TMEM131: variants seen among roughly 807,000 people sequenced by gnomAD.
TMEM131 encodes 2610524E03Rik.
TMEM131 carries 66 observed loss-of-function variants against 211.6 expected under a neutral mutation model. The observed-to-expected ratio is 0.31, with a 90% confidence interval of 0.26 to 0.38. TMEM131 has a LOEUF of 0.38. TMEM131 is among the 10% of genes least tolerant of loss of function. The pLI is 1.00. For synonymous variants in TMEM131, 844 were observed against 841.3 expected (o/e 1.00, Z -0.06); for missense variants, 2,036 against 2,299.3 (o/e 0.89, Z 2.34).
intron 12 of TMEM131, among the ~76,000 whole-genome samples, chr2:97,817,000 CATG>C (rs1025015544): frequency 3.3e-5 from 5 of 152,166 alleles, no homozygotes; most frequent in African/African-American, 9.7e-5. Context: ...GGGATTTTCA[CATG>C]ATATTAAAAA....
At chr2:97,885,440 C>CGCCTTG (rs1553609819) in intron 4 of TMEM131, among the ~76,000 whole-genome samples, 3 of 150,774 alleles carry the variant, frequency 2.0e-5, no homozygotes, top group African/African-American at 7.3e-5. Flanking sequence ...GTGATCCGCC[C>CGCCTTG]GCCTCCCAAA....
At chr2:97,823,771 C>T (rs2084176) in intron 11 of TMEM131, among the ~76,000 whole-genome samples, 46,910 of 152,044 alleles carry the variant, frequency 0.31, 8,566 homozygotes, top group Non-Finnish European at 0.39. Flanking sequence ...CTTCTGCCTT[C>T]CTCGAGCAGC....
chr2:97,951,070 G>A (rs904728846), intron 1 of TMEM131, among the ~76,000 whole-genome samples: 1 of 152,056 alleles, frequency 6.6e-6, no homozygotes, highest in African/African-American at 2.4e-5. Flanking sequence ...CAGAAGCAGA[G>A]AGCAGAATAA....
intron 3 of TMEM131, among the ~76,000 whole-genome samples, chr2:97,893,259 T>G (rs961025443): frequency 6.6e-6 from 1 of 152,254 alleles, no homozygotes; most frequent in Non-Finnish European, 1.5e-5. Flanking sequence ...CCATGGTGTA[T>G]ATGTGCCACA....
rs3833701 is a variant in TMEM131, at chr2:97,991,420, T to TA, written c.187+4055dup. Among the ~76,000 whole-genome samples the TA allele has an allele frequency of 3.2e-3, 492 of 152,226 alleles. 7 individuals are homozygous for TA. The East Asian group carries it at 0.041, about 13-fold the overall frequency. On this transcript the variant is annotated intron_variant, in intron 1 of 40. Transcript: ENST00000186436. The stretch of plus-strand genomic sequence containing the variant: ...GTGGGAGAGTGATCAAAAGAGGATG[T>TA]AACAGGCACTGATGCCACTTGGTGA...
chr2:97,871,291 C>A (rs924312156), intron 4 of TMEM131, among the ~76,000 whole-genome samples: 1 of 152,212 alleles, frequency 6.6e-6, no homozygotes, highest in East Asian at 1.9e-4. Context: ...GACCTCCAAG[C>A]TGTCCTTTGT....
chr2:97,832,738 C>T (rs752179777), intron 11 of TMEM131, among the ~76,000 whole-genome samples: 4 of 152,178 alleles, frequency 2.6e-5, no homozygotes, highest in Non-Finnish European at 2.9e-5. Context: ...CAGGGAGAGA[C>T]GTTGTGGGCC....
intron 22 of TMEM131, 99 bp from the exon 23 acceptor site, chr2:97,802,889 G>C: frequency 1.9e-6 from 2 of 1,032,030 alleles, no homozygotes; most frequent in Non-Finnish European, 1.4e-6. Context: ...GAAATTTTTT[G>C]CTGGCCCTGA....
At chr2:97,791,410 T>C (rs2104880133) in intron 31 of TMEM131, among the ~76,000 whole-genome samples, 1 of 152,360 alleles carries the variant, frequency 6.6e-6, no homozygotes, top group African/African-American at 2.4e-5. Flanking sequence ...CTCCTTGCCC[T>C]CTTGTTTGCT....
At chr2:97,770,992 G>T (rs1679438581) in intron 33 of TMEM131, among the ~76,000 whole-genome samples, 1 of 152,168 alleles carries the variant, frequency 6.6e-6, no homozygotes, top group African/African-American at 2.4e-5. Context: ...TGTTATTCCT[G>T]TCCTGGGTGC....
intron 1 of TMEM131, among the ~76,000 whole-genome samples, chr2:97,956,093 T>C (rs904013613): frequency 2.6e-5 from 4 of 152,020 alleles, no homozygotes; most frequent in Non-Finnish European, 5.9e-5. Context: ...AGAGTAAGAG[T>C]AAGGGTAGTA....
intron 33 of TMEM131, among the ~76,000 whole-genome samples, chr2:97,767,193 A>C (rs1324453102): frequency 6.6e-6 from 1 of 152,216 alleles, no homozygotes; most frequent in Admixed American, 6.5e-5. Context: ...TTAAGCAAAA[A>C]AATTAAATAT....
intron 3 of TMEM131, among the ~76,000 whole-genome samples, chr2:97,890,443 C>T (rs35263587): frequency 0.15 from 23,247 of 152,100 alleles, 2,445 homozygotes; most frequent in Middle Eastern, 0.28. Context: ...TCAAGGATAA[C>T]TCATTCTAAG....
chr2:97,920,968 C>CAAGTGTGT (rs1284985326), intron 2 of TMEM131, among the ~76,000 whole-genome samples: 27 of 101,446 alleles, frequency 2.7e-4, no homozygotes, highest in African/African-American at 1.1e-3. Context: ...TAAAAAATCC[C>CAAGTGTGT]GAGTGTGTGT....
chr2:97,988,264 G>A (rs550772975), intron 1 of TMEM131, among the ~76,000 whole-genome samples: 1 of 152,136 alleles, frequency 6.6e-6, no homozygotes, highest in Admixed American at 6.5e-5. Flanking sequence ...ACATGCAAAA[G>A]AATAGAGTTA....
chr2:97,827,233 T>C, intron 11 of TMEM131: 1 of 763,206 alleles, frequency 1.3e-6, no homozygotes, highest in Non-Finnish European at 2.4e-6. Flanking sequence ...GGCACGCGCC[T>C]TCCCCGCCGC....
chr2:97,995,697 G>A lies in TMEM131; in HGVS notation c.-35C>T. The A allele has an allele frequency of 8.4e-7, 1 of 1,184,850 alleles. No individual in the cohort carries two copies. Among genetic ancestry groups the A allele is most frequent in the Non-Finnish European group, 1.0e-6 (1 of 956,678 alleles). 73.4% of individuals were successfully genotyped at this position (1,184,850 alleles called of 1,614,324 possible). A position where few individuals can be genotyped will look rare whatever the true frequency, so the allele number is the denominator to read the frequency against. On this transcript the variant is annotated 5_prime_UTR_variant, in exon 1 of 41. Transcript: ENST00000186436. Reference sequence around the variant, plus strand: ...CCGGGGGCCGCCGCGCTCGAGGTCCGGCGCGGCCCTTCTCGGCGAGGCGGC... The same window carrying A: ...CCGGGGGCCGCCGCGCTCGAGGTCCAGCGCGGCCCTTCTCGGCGAGGCGGC...
intron 33 of TMEM131, among the ~76,000 whole-genome samples, chr2:97,771,606 A>G (rs1679467293): frequency 6.6e-6 from 1 of 152,242 alleles, no homozygotes; most frequent in African/African-American, 2.4e-5. Flanking sequence ...CTATACAATG[A>G]ACCAGGAAAG....
chr2:97,913,185 C>T (rs904188143), intron 2 of TMEM131: 1 of 152,150 alleles, frequency 6.6e-6, no homozygotes, highest in African/African-American at 2.4e-5. Flanking sequence ...CGGCCTGCTG[C>T]TAAACACCCG....
Sources: gnomAD v4.1 joint callset for allele counts (sites outside exome capture counted in the v4.1 genomes callset) on GRCh38, gnomAD v4.1.1 for gene constraint, MANE v1.5 for transcripts, NCBI Gene and HGNC (gene_info 2026-07-23, HGNC 2026-07-21) for gene names.